CEACAM1: variants seen among roughly 807,000 people sequenced by gnomAD.
CEACAM1 encodes the protein cell adhesion molecule CEACAM1.
A neutral mutation model predicts 49.1 loss-of-function variants in CEACAM1; 31 were observed. The ratio of observed to expected loss-of-function variants is 0.63; its 90% CI spans 0.47 to 0.85. The LOEUF (loss-of-function observed/expected upper bound fraction) is 0.85. Among genes scored for constraint, CEACAM1 ranks in the 40% least tolerant of loss-of-function variants. CEACAM1 has a pLI of 0.00. For missense variants in CEACAM1, 570 were observed against 645.3 expected (o/e 0.88, Z 1.26); for synonymous variants, 244 against 247.8 (o/e 0.98, Z 0.14).
At chr19:42,517,082 A>G (rs2041617685) in intron 5 of CEACAM1, among the ~76,000 whole-genome samples, 1 of 152,230 alleles carries the variant, frequency 6.6e-6, no homozygotes, top group Admixed American at 6.5e-5. Context: ...TCAGTGGGGA[A>G]AGGATAGTCT....
At position 42,519,042 on chromosome 19, in the gene CEACAM1, G is replaced by GT; in HGVS notation, c.1151dup (p.Asn384LysfsTer14). 6.2e-7 allele frequency: 1 copy of GT among 1,614,178 alleles called. No individual in the cohort carries two copies. Among genetic ancestry groups the GT allele is most frequent in the Non-Finnish European group, 8.5e-7 (1 of 1,180,032 alleles). Reference sequence around the variant, plus strand: ...TCCCAGCATCCTCCCTCTTGACAGGGTTTATGCTGAGGGTGGTGTTGCCCT... The same window carrying GT: ...TCCCAGCATCCTCCCTCTTGACAGGGTTTTATGCTGAGGGTGGTGTTGCCCT... On this transcript the variant is annotated frameshift_variant, in exon 5 of 9. Transcript: ENST00000161559. LOFTEE classifies it high-confidence loss of function.
At chr19:42,510,776 C>T in intron 8 of CEACAM1, 113 bp downstream of exon 8, 2 of 922,988 alleles carry the variant, frequency 2.2e-6, no homozygotes, top group South Asian at 2.6e-5. Flanking sequence ...TTTGTTGTTG[C>T]ACTGAGGAAC....
intron 8 of CEACAM1, among the ~76,000 whole-genome samples, chr19:42,509,937 C>G (rs2041416542): frequency 6.6e-6 from 1 of 151,054 alleles, no homozygotes; most frequent in Non-Finnish European, 1.5e-5. Flanking sequence ...GGAAGGGTCT[C>G]TTTTTAAGGG....
rs1306800565 is a variant in CEACAM1, at chr19:42,508,814, G to A, written c.*295C>T. On this transcript the variant is annotated 3_prime_UTR_variant, in exon 9 of 9. Transcript: ENST00000161559. ...AACAGGCAAGTTTAAAACAAGTCCA[G>A]GTTGGGAAAAGGGGAAGGGAGGGGA... is the stretch of plus-strand genomic sequence containing the variant. 5.5e-6 allele frequency: 2 copies of A among 361,606 alleles called. No homozygotes were observed. Among genetic ancestry groups the A allele is most frequent in the African/African-American group, 4.3e-5 (2 of 46,470 alleles). 22.4% of individuals were successfully genotyped at this position (361,606 alleles called of 1,614,324 possible). A position where few individuals can be genotyped will look rare whatever the true frequency, so the allele number is the denominator to read the frequency against.
At chr19:42,514,987 G>A (rs1205390051) in intron 5 of CEACAM1, 1 of 657,512 alleles carries the variant, frequency 1.5e-6, no homozygotes, top group Non-Finnish European at 2.7e-6. Context: ...ATAACACTAT[G>A]GGGCCAGGCG....
rs371524170 is a variant in CEACAM1 at position 42,528,272 on chromosome 19, G to A, written c.64+39C>T. ...AGAGGACCCTAGCCATTCTCTGTGC[G>A]CCCTCTTTCCGCCCCTTCCCAGGGT... On this transcript the variant is annotated intron_variant, in intron 1 of 8. Coordinates refer to ENST00000161559, the MANE Select transcript of CEACAM1 (RefSeq NM_001712.5). 3.5e-5 allele frequency: 55 copies of A among 1,580,996 alleles called. 1 individual carries two copies. In the African/African-American group the frequency reaches 5.4e-4, roughly 16 times the overall value.
intron 5 of CEACAM1, 51 bp from the exon 6 acceptor site, chr19:42,512,530 A>C: frequency 6.4e-7 from 1 of 1,556,960 alleles, no homozygotes; most frequent in Non-Finnish European, 8.9e-7. Context: ...TTATTTTACA[A>C]TGGGGGCTGG....
At chr19:42,522,485 G>T (rs2041779663) in intron 2 of CEACAM1, among the ~76,000 whole-genome samples, 1 of 151,550 alleles carries the variant, frequency 6.6e-6, no homozygotes, top group South Asian at 2.1e-4. Flanking sequence ...CCTGAGCTCT[G>T]GCAATCCGCC....
chr19:42,527,147 G>A lies in CEACAM1; in HGVS notation c.318C>T (p.Ser106=), dbSNP rs1348563899. 6.2e-7 allele frequency: 1 copy of A among 1,614,172 alleles called. No individual in the cohort carries two copies. Among genetic ancestry groups the A allele is most frequent in the Admixed American group, 1.7e-5 (1 of 60,020 alleles). The change falls in exon 2 of 9, where the codon TCC becomes TCT. Residue 106 remains serine (S), a synonymous_variant. Coordinates refer to ENST00000161559, the MANE Select transcript of CEACAM1 (RefSeq NM_001712.5). The part of the protein sequence containing the change: ...SGRETIYPNA[S]LLIQNVTQND... Reference sequence around the variant, plus strand: ...TCTGGGTGACGTTCTGGATCAGCAGGGATGCATTGGGGTATATTGTCTCTC... The same window carrying A: ...TCTGGGTGACGTTCTGGATCAGCAGAGATGCATTGGGGTATATTGTCTCTC...
intron 7 of CEACAM1, chr19:42,511,300 A>C: frequency 1.7e-6 from 1 of 577,708 alleles, no homozygotes; most frequent in African/African-American, 1.9e-5. Flanking sequence ...AGGAGGCGGA[A>C]GGAGTAAGGC....
rs374774241 is a variant in CEACAM1, at chr19:42,528,436, G to A, written c.-62C>T. ...AGAGCTTGGGCTCCAGGAACGCTTC[G>A]AGCACGGCTGCTCTGTCACCTCTGC... On this transcript the variant is annotated 5_prime_UTR_variant, in exon 1 of 9. Coordinates refer to ENST00000161559, the MANE Select transcript of CEACAM1 (RefSeq NM_001712.5). 53 of 1,517,234 alleles carry A rather than the reference G, an allele frequency of 3.5e-5. No homozygotes were observed. The highest frequency in any genetic ancestry group is 2.3e-4 in the South Asian group (20 of 88,724). 94.0% of individuals were successfully genotyped at this position (1,517,234 alleles called of 1,614,324 possible).
rs151150997 is a variant in CEACAM1, at chr19:42,527,183, T to G, written c.282A>C (p.Ala94=). 1.2e-5 allele frequency: 19 copies of G among 1,614,066 alleles called. No homozygotes were observed. The highest frequency in any genetic ancestry group is 2.2e-5 in the South Asian group (2 of 91,080). The stretch of plus-strand genomic sequence containing the variant: ...GGTATATTGTCTCTCGACCGCTGTT[T>G]GCGGGCCCTGGGGTAGCTTGTTGAG... ...IGTQQATPGP[A]NSGRETIYPN... The change falls in exon 2 of 9, where the codon GCA becomes GCC. Residue 94 remains alanine, a synonymous_variant. Transcript: ENST00000161559.
At chr19:42,519,536 A>G (rs1358563198) in intron 4 of CEACAM1, 16 of 288,410 alleles carry the variant, frequency 5.5e-5, no homozygotes, top group Non-Finnish European at 9.6e-5. Context: ...AGACCGAGCA[A>G]CCTCATCATC....
At chr19:42,509,915 C>T (rs1417770443) in intron 8 of CEACAM1, among the ~76,000 whole-genome samples, 1 of 152,120 alleles carries the variant, frequency 6.6e-6, no homozygotes, top group Non-Finnish European at 1.5e-5. Context: ...GTGTGAGCCA[C>T]TGCACCTGGC....
chr19:42,511,933 T>A (rs2147770496), intron 6 of CEACAM1, among the ~76,000 whole-genome samples: 1 of 152,274 alleles, frequency 6.6e-6, no homozygotes. Context: ...TATTTATTGT[T>A]CAAGAGGACT....
At position 42,507,661 on chromosome 19, in the gene CEACAM1, C is replaced by T. The variant is rs781429036; in HGVS notation, c.*1448G>A. On this transcript the variant is annotated 3_prime_UTR_variant, in exon 9 of 9. Transcript: ENST00000161559. ...TTTTATTATAAGATACATTTATAGA[C>T]CCCATAGAAGAAAAGATAAATTTCA... is the stretch of plus-strand genomic sequence containing the variant. The T allele has an allele frequency of 5.9e-5, 9 of 152,202 alleles. 1 individual carries two copies. The highest frequency in any genetic ancestry group is 1.3e-4 in the Non-Finnish European group (9 of 68,050). The allele number at this position is 152,202 out of a possible 1,614,324, so 9.4% of individuals were successfully genotyped here. A position where few individuals can be genotyped will look rare whatever the true frequency, so the allele number is the denominator to read the frequency against.
chr19:42,518,841 A>G, intron 5 of CEACAM1, 107 bp downstream of exon 5: 1 of 1,280,160 alleles, frequency 7.8e-7, no homozygotes, highest in Middle Eastern at 2.1e-4. Context: ...GTTTGCTATA[A>G]TGGTCTCTTC....
Position 42,527,067 on chromosome 19 carries a change from T to G in CEACAM1, c.398A>C (p.Glu133Ala). The G allele has an allele frequency of 1.9e-6, 3 of 1,608,658 alleles. No homozygotes were observed. Among genetic ancestry groups the G allele is most frequent in the Non-Finnish European group, 2.5e-6 (3 of 1,177,408 alleles). The change falls in exon 2 of 9, where the codon GAA (glutamate) becomes GCA (alanine). Residue 133 changes from glutamate to alanine, a missense_variant. Transcript: ENST00000161559. ...GTATACATGGAACTGTCCAGTTGCT[T>G]CTTCATTCACAAGATCTGACTTTAT... ...QVIKSDLVNE[E>A]ATGQFHVYPE...
At chr19:42,524,461 C>T (rs1268543186) in intron 2 of CEACAM1, among the ~76,000 whole-genome samples, 1 of 152,166 alleles carries the variant, frequency 6.6e-6, no homozygotes, top group East Asian at 1.9e-4. Flanking sequence ...ATGGAGGAGT[C>T]GCTCGTCCCT....
Sources: allele counts gnomAD v4.1 joint callset (sites outside exome capture counted in the v4.1 genomes callset), GRCh38; gene constraint gnomAD v4.1.1; transcripts MANE v1.5; gene names NCBI Gene and HGNC (gene_info 2026-07-23, HGNC 2026-07-21).